MAP2K3: variants seen among roughly 807,000 people sequenced by gnomAD.
MAP2K3 encodes dual specificity mitogen-activated protein kinase kinase 3.
A neutral mutation model predicts 46.4 loss-of-function variants in MAP2K3; 30 were observed. The observed-to-expected ratio is 0.65, with a 90% CI of 0.48 to 0.88. The LOEUF (loss-of-function observed/expected upper bound fraction) is 0.88, where lower values mean the gene tolerates loss of function less well. Among genes scored for constraint, MAP2K3 ranks in the 40% least tolerant of loss-of-function variants. The pLI, the probability that MAP2K3 is intolerant of heterozygous loss-of-function variation, is 0.00. For synonymous variants in MAP2K3, 189 were observed against 176.3 expected (o/e 1.07, Z -0.57); for missense variants, 380 against 464.5 (o/e 0.82, Z 1.67).
intron 9 of MAP2K3, chr17:21,311,608 C>CCGTG (rs1555551371): frequency 7.0e-6 from 1 of 143,666 alleles, no homozygotes; most frequent in Non-Finnish European, 1.5e-5. Context: ...TTGGAGACAG[C>CCGTG]TGTGTGTGTG....
intron 9 of MAP2K3, among the ~76,000 whole-genome samples, chr17:21,305,751 A>C (rs1976862018): frequency 6.6e-6 from 1 of 152,308 alleles, no homozygotes; most frequent in African/African-American, 2.4e-5. Flanking sequence ...CCCTGTGGAC[A>C]GTGGATTGGA....
intron 1 of MAP2K3, chr17:21,288,222 C>A: frequency 1.6e-6 from 1 of 636,580 alleles, no homozygotes; most frequent in South Asian, 1.7e-5. Context: ...TGGCACCTAG[C>A]CCTGAGCTGG....
chr17:21,298,777 C>T lies in MAP2K3; in HGVS notation c.117-101C>T, dbSNP rs879130419. 307 of 1,560,708 alleles carry T rather than the reference C, an allele frequency of 2.0e-4. No individual in the cohort carries two copies. The South Asian group carries it at 3.1e-3, about 16-fold the overall frequency. On this transcript the variant is annotated intron_variant, in intron 2 of 11. Coordinates refer to ENST00000342679, the MANE Select transcript of MAP2K3 (RefSeq NM_145109.3). ...GAGAAGGCGCCTCCGGGGCAGGAGGCACCTCGTCCCCACGCCAGGCCCCAC... is the reference window on the plus strand; with the variant it reads ...GAGAAGGCGCCTCCGGGGCAGGAGGTACCTCGTCCCCACGCCAGGCCCCAC...
chr17:21,295,622 G>A (rs1048486821), intron 1 of MAP2K3: 3 of 1,287,362 alleles, frequency 2.3e-6, no homozygotes, highest in African/African-American at 1.5e-5. Context: ...CAGCTGGGTG[G>A]CTTCCCCATG....
intron 9 of MAP2K3, chr17:21,311,683 A>ACAG (rs5819745): frequency 6.4e-6 from 1 of 157,352 alleles, no homozygotes; most frequent in Admixed American, 6.6e-5. Context: ...CTCTGTGAAA[A>ACAG]CAGCCCAAAT....
At chr17:21,300,797 G>A in intron 4 of MAP2K3, 77 bp from the exon 5 acceptor site, 1 of 1,612,148 alleles carries the variant, frequency 6.2e-7, no homozygotes, top group Non-Finnish European at 8.5e-7. Flanking sequence ...GGCCCCCTGA[G>A]CTCCTGGCCC....
At chr17:21,312,606 T>G (rs73302052) in intron 10 of MAP2K3, among the ~76,000 whole-genome samples, 2 of 152,110 alleles carry the variant, frequency 1.3e-5, no homozygotes, top group Non-Finnish European at 2.9e-5. Context: ...GAATGCCCCA[T>G]AGGAGCCTTA....
Position 21,302,196 on chromosome 17 carries a change from C to T in MAP2K3, c.453C>T (p.Tyr151=), listed in dbSNP as rs756141605. 6.2e-7 allele frequency: 1 copy of T among 1,613,576 alleles called. No homozygotes were observed. Among genetic ancestry groups the T allele is most frequent in the Non-Finnish European group, 8.5e-7 (1 of 1,179,570 alleles). ...ELMDTSLDKF[Y]RKVLDKNMTI... ...TGGACACATCCTTGGACAAGTTCTA[C>T]CGGAAGGTGCTGGATAAAAACATGA... Residue 151 remains tyrosine (Y), a synonymous_variant, in exon 6 of 12, where the codon TAC becomes TAT. Coordinates refer to ENST00000342679, the MANE Select transcript of MAP2K3 (RefSeq NM_145109.3).
At chr17:21,295,010 C>T (rs1235415252) in intron 1 of MAP2K3, among the ~76,000 whole-genome samples, 2 of 152,426 alleles carry the variant, frequency 1.3e-5, no homozygotes, top group East Asian at 3.8e-4. Flanking sequence ...GCAGAGAAGC[C>T]ATCAGGCCAC....
chr17:21,289,593 C>T (rs3760202), intron 1 of MAP2K3, among the ~76,000 whole-genome samples: 45,359 of 152,170 alleles, frequency 0.3, 7,283 homozygotes, highest in Non-Finnish European at 0.36. Flanking sequence ...TGCCCTTGTC[C>T]GCGCCTCCTG....
At position 21,300,973 on chromosome 17, in the gene MAP2K3, T is replaced by C. The variant is rs1976564721; in HGVS notation, c.379T>C (p.Tyr127His). ...CGACTGTTTCTACACTGTCACCTTC[T>C]ACGGGGCACTATTCAGAGAGGTGCG... ...TVDCFYTVTF[Y>H]GALFREGDVW... is the part of the protein sequence containing the mutation. Residue 127 changes from tyrosine (Y) to histidine (H), a missense_variant, in exon 5 of 12, where the codon TAC (tyrosine) becomes CAC (histidine). By Grantham distance (83) the Tyr-to-His change is moderately conservative. This residue lies in a region of MAP2K3 where 294 missense variants were observed against 275.4 expected (regional missense o/e 1.07). Coordinates refer to ENST00000342679, the MANE Select transcript of MAP2K3 (RefSeq NM_145109.3). 1.2e-6 allele frequency: 2 copies of C among 1,614,140 alleles called. No individual in the cohort carries two copies. Among genetic ancestry groups the C allele is most frequent in the Non-Finnish European group, 1.7e-6 (2 of 1,180,054 alleles).
chr17:21,291,341 T>TACAAC (rs1439467768), intron 1 of MAP2K3: 63 of 93,516 alleles, frequency 6.7e-4, no homozygotes, highest in African/African-American at 4.3e-3. Flanking sequence ...TACAGTACAA[T>TACAAC]ACAATACAAC....
At chr17:21,286,282 A>C (rs1430528768) in intron 1 of MAP2K3, among the ~76,000 whole-genome samples, 1 of 152,238 alleles carries the variant, frequency 6.6e-6, no homozygotes, top group Non-Finnish European at 1.5e-5. Context: ...CTGGAAGTGC[A>C]GCCTCAGAGT....
chr17:21,291,039 G>A (rs76499220), intron 1 of MAP2K3, among the ~76,000 whole-genome samples: 4 of 152,394 alleles, frequency 2.6e-5, no homozygotes, highest in African/African-American at 7.2e-5. Flanking sequence ...TCAGGAGCTC[G>A]AGACCATCCT....
At chr17:21,310,618 CAG>C (rs936592020) in intron 9 of MAP2K3, among the ~76,000 whole-genome samples, 3 of 152,258 alleles carry the variant, frequency 2.0e-5, no homozygotes, top group Non-Finnish European at 2.9e-5. Context: ...CCAGAACAGA[CAG>C]GGGTCATGCC....
intron 1 of MAP2K3, among the ~76,000 whole-genome samples, chr17:21,295,386 T>C (rs558802030): frequency 4.1e-4 from 63 of 152,416 alleles, no homozygotes; most frequent in African/African-American, 1.3e-3. Context: ...CTGGAGTATG[T>C]GGAGGACACC....
chr17:21,308,736 T>C (rs1451604418), intron 9 of MAP2K3, among the ~76,000 whole-genome samples: 2 of 152,224 alleles, frequency 1.3e-5, no homozygotes, highest in Non-Finnish European at 2.9e-5. Context: ...TGCACAGAAC[T>C]GGTTGGATAT....
In MAP2K3 at chr17:21,284,771, TCGCCGCAGTCGC is replaced by T. The variant is rs1975677190; in HGVS notation, c.-143_-132del. 4 of 811,406 alleles carry T rather than the reference TCGCCGCAGTCGC, an allele frequency of 4.9e-6. No individual in the cohort carries two copies. The East Asian group carries it at 1.0e-4, about 21-fold the overall frequency. 50.3% of individuals were successfully genotyped at this position (811,406 alleles called of 1,614,324 possible). The stretch of plus-strand genomic sequence containing the variant: ...CTTGCTGCAGTCGCCGCCGCAGTCC[TCGCCGCAGTCGC>T]CGCCGCCGCCGCCGCCGCCGCCGCT... On this transcript the variant is annotated 5_prime_UTR_variant, in exon 1 of 12. Coordinates refer to ENST00000342679, the MANE Select transcript of MAP2K3 (RefSeq NM_145109.3).
At chr17:21,300,829 TG>T in intron 4 of MAP2K3, 44 bp from the exon 5 acceptor site, 1 of 1,613,586 alleles carries the variant, frequency 6.2e-7, no homozygotes. Context: ...GTGTGGGTGT[TG>T]GCCTCTGCCA....
Sources: gnomAD v4.1 joint callset for allele counts (sites outside exome capture counted in the v4.1 genomes callset) on GRCh38, gnomAD v4.1.1 for gene constraint, gnomAD v4.1.1 regional missense constraint, MANE v1.5 for transcripts, NCBI Gene and HGNC (gene_info 2026-07-23, HGNC 2026-07-21) for gene names.